GLB1L2: variants seen among roughly 807,000 people sequenced by gnomAD.
The protein encoded by GLB1L2 is beta-galactosidase-1-like protein 2.
In GLB1L2, 68 loss-of-function variants were observed where a neutral mutation model predicts 84.1. That is an observed-to-expected ratio of 0.81 (90% CI 0.67 to 0.99). The LOEUF is 0.99. Ranked by LOEUF, GLB1L2 falls within the 50% of genes least tolerant of loss-of-function variation. GLB1L2 has a pLI of 0.00. For missense variants in GLB1L2, 762 were observed against 805.6 expected (o/e 0.95, Z 0.66); for synonymous variants, 290 against 318.0 (o/e 0.91, Z 0.94).
At chr11:134,372,792 G>C (rs1317319778) in intron 15 of GLB1L2, among the ~76,000 whole-genome samples, 3 of 152,102 alleles carry the variant, frequency 2.0e-5, no homozygotes, top group African/African-American at 7.2e-5. Context: ...CTGGGGCCTG[G>C]ATCCTGGGGA....
At chr11:134,347,478 T>C in intron 5 of GLB1L2, 45 bp downstream of exon 5, 2 of 1,348,076 alleles carry the variant, frequency 1.5e-6, no homozygotes, top group East Asian at 2.3e-5. Flanking sequence ...TGTCTTCCTC[T>C]AGGTCGTGGA....
chr11:134,366,908 G>C (rs1353431462), intron 8 of GLB1L2: 1 of 334,452 alleles, frequency 3.0e-6, no homozygotes, highest in South Asian at 2.7e-5. Context: ...AGTTGTCCTG[G>C]GTAAAACATC....
chr11:134,374,067 G>A (rs1391586013), intron 16 of GLB1L2, 78 bp from the exon 17 acceptor site: 7 of 1,068,566 alleles, frequency 6.6e-6, no homozygotes, highest in Non-Finnish European at 1.0e-5. Context: ...AACGGTGTCA[G>A]GGCCTTTTAT....
chr11:134,349,446 G>T (rs1342566811), intron 5 of GLB1L2, among the ~76,000 whole-genome samples: 1 of 152,108 alleles, frequency 6.6e-6, no homozygotes. Context: ...GCTTCTTTTG[G>T]GTATATACCT....
chr11:134,367,359 CT>C lies in GLB1L2; in HGVS notation c.889+19del, dbSNP rs1943879716. 1.2e-6 allele frequency: 2 copies of C among 1,601,568 alleles called. No homozygotes were observed. The highest frequency in any genetic ancestry group is 1.7e-6 in the Non-Finnish European group (2 of 1,169,286). ...TTCTTCTGGTGAGTGCTTGCGGTGA[CT>C]ACATCCAGAATGTGTGCTACTTAAG... On this transcript the variant is annotated intron_variant, in intron 9 of 18. Coordinates refer to ENST00000535456, the MANE Select transcript of GLB1L2 (RefSeq NM_001370461.1).
intron 5 of GLB1L2, among the ~76,000 whole-genome samples, chr11:134,351,720 T>C (rs1943637123): frequency 6.6e-6 from 1 of 152,214 alleles, no homozygotes; most frequent in Non-Finnish European, 1.5e-5. Flanking sequence ...GGTTTATAAT[T>C]CTTTTAATAT....
At chr11:134,355,990 ACAT>A (rs1217190752) in intron 5 of GLB1L2, 2 of 520,094 alleles carry the variant, frequency 3.8e-6, no homozygotes, top group East Asian at 1.0e-4. Context: ...ACTTGTGAAA[ACAT>A]CATACAATTT....
intron 6 of GLB1L2, 129 bp downstream of exon 6, chr11:134,356,522 TTC>T (rs1458361763): frequency 1.1e-5 from 7 of 639,936 alleles, no homozygotes; most frequent in Admixed American, 2.8e-5. Flanking sequence ...TTAGTGAATT[TTC>T]TCTGTTGTTT....
At position 134,342,848 on chromosome 11, in the gene GLB1L2, T is replaced by C. The variant is rs1943488421; in HGVS notation, c.181T>C (p.Phe61Leu). The C allele has an allele frequency of 1.2e-6, 2 of 1,613,902 alleles. No homozygotes were observed. Among genetic ancestry groups the C allele is most frequent in the African/African-American group, 2.7e-5 (2 of 74,932 alleles). The change falls in exon 2 of 19, where the codon TTC becomes CTC. Residue 61 changes from phenylalanine to leucine, a missense_variant. Physicochemically the swap from Phe to Leu is conservative, Grantham distance 22. Coordinates refer to ENST00000535456, the MANE Select transcript of GLB1L2 (RefSeq NM_001370461.1). ...GWNFMLEDST[F>L]WIFGGSIHYF... ...GAACTTCATGCTGGAGGATTCCACC[T>C]TCTGGATCTTCGGGGGCTCCATCCA...
At chr11:134,357,506 C>T (rs1943720073) in intron 6 of GLB1L2, among the ~76,000 whole-genome samples, 3 of 152,318 alleles carry the variant, frequency 2.0e-5, no homozygotes, top group South Asian at 4.1e-4. Flanking sequence ...CATCCCAGCA[C>T]AGGACTTGAA....
In GLB1L2 at chr11:134,370,193, G is replaced by A. The variant is rs927536352; in HGVS notation, c.1109-100G>A. 11 of 975,690 alleles carry A rather than the reference G, an allele frequency of 1.1e-5. No individual in the cohort carries two copies. The highest frequency in any genetic ancestry group is 2.8e-5 in the South Asian group (2 of 71,874). The allele number at this position is 975,690 out of a possible 1,614,324, so 60.4% of individuals were successfully genotyped here. A position where few individuals can be genotyped will look rare whatever the true frequency, so the allele number is the denominator to read the frequency against. On this transcript the variant is annotated intron_variant, in intron 11 of 18. Coordinates refer to ENST00000535456, the MANE Select transcript of GLB1L2 (RefSeq NM_001370461.1). This position sits in a 1 kb window ranked among gnomAD's most constrained non-coding sequence, Gnocchi z 4.7. The stretch of plus-strand genomic sequence containing the variant: ...CTGTTGTTCCTCTTGGTGCTGGGAC[G>A]CAGGAGCACATCGGGTCTGTGGATG...
In GLB1L2 at chr11:134,371,406, T is replaced by C. The variant is rs202132405; in HGVS notation, c.1357-15T>C. 610 of 1,523,252 alleles carry C rather than the reference T, an allele frequency of 4.0e-4. 1 individual carries two copies. Among genetic ancestry groups the C allele is most frequent in the South Asian group, 1.0e-4 (9 of 89,230 alleles). 94.4% of individuals were successfully genotyped at this position (1,523,252 alleles called of 1,614,324 possible). A position where few individuals can be genotyped will look rare whatever the true frequency, so the allele number is the denominator to read the frequency against. ...CCTGTTGGTCATGGATGTTCCTGCC[T>C]GTTCCCTTTGGCAGGTGTTTGTGAA... On this transcript the variant is annotated splice_polypyrimidine_tract_variant and intron_variant, in intron 13 of 18. Coordinates refer to ENST00000535456, the MANE Select transcript of GLB1L2 (RefSeq NM_001370461.1).
At chr11:134,344,259 CA>C in intron 2 of GLB1L2, 127 bp from the exon 3 acceptor site, 4 of 1,158,136 alleles carry the variant, frequency 3.5e-6, no homozygotes, top group Non-Finnish European at 5.2e-6. Flanking sequence ...TTCTTGGTTC[CA>C]GTCCTAAAAT....
chr11:134,333,404 CAGA>C (rs1010757661), intron 1 of GLB1L2, among the ~76,000 whole-genome samples: 76 of 152,310 alleles, frequency 5.0e-4, no homozygotes, highest in African/African-American at 1.8e-3. Context: ...ACGCAAACCC[CAGA>C]AGAATTACTC....
At position 134,332,166 on chromosome 11, in the gene GLB1L2, C is replaced by T. The variant is rs1433285830; in HGVS notation, c.86+19C>T. ...TCCGCAGGTGAGAGAGAGCTTCGCG[C>T]AGCACCTGCCGGACCCCACATTCCC... On this transcript the variant is annotated intron_variant, in intron 1 of 18. Coordinates refer to ENST00000535456, the MANE Select transcript of GLB1L2 (RefSeq NM_001370461.1). 3.7e-5 allele frequency: 56 copies of T among 1,495,594 alleles called. No individual in the cohort carries two copies. Among genetic ancestry groups the T allele is most frequent in the Non-Finnish European group, 4.8e-5 (53 of 1,107,946 alleles). The allele number at this position is 1,495,594 out of a possible 1,614,324, so 92.6% of individuals were successfully genotyped here. A position where few individuals can be genotyped will look rare whatever the true frequency, so the allele number is the denominator to read the frequency against.
intron 18 of GLB1L2, 36 bp from the exon 19 acceptor site, chr11:134,374,936 G>A (rs575951440): frequency 3.3e-5 from 52 of 1,594,744 alleles, no homozygotes; most frequent in East Asian, 2.0e-4. Context: ...CAGGACAGAC[G>A]TCAGCTGCCC....
intron 11 of GLB1L2, 112 bp downstream of exon 11, chr11:134,369,997 C>A: frequency 1.2e-6 from 1 of 859,552 alleles, no homozygotes; most frequent in Non-Finnish European, 1.9e-6. Context: ...GATCTGCGTG[C>A]AAGAATATCC....
intron 11 of GLB1L2, 114 bp downstream of exon 11, chr11:134,369,999 A>G: frequency 1.2e-6 from 1 of 838,720 alleles, no homozygotes; most frequent in East Asian, 2.6e-5. Context: ...TCTGCGTGCA[A>G]GAATATCCTA....
Position 134,359,061 on chromosome 11 carries a change from C to T in GLB1L2, c.653C>T (p.Ala218Val). 1 of 1,592,032 alleles carries T rather than the reference C, an allele frequency of 6.3e-7. No individual in the cohort carries two copies. Among genetic ancestry groups the T allele is most frequent in the Non-Finnish European group, 8.6e-7 (1 of 1,168,924 alleles). The change falls in exon 7 of 19, where the codon GCA becomes GTA. Residue 218 changes from alanine to valine, a missense_variant and splice_region_variant. By Grantham distance (64) the Ala-to-Val change is moderately conservative. Around this residue, in one of 3 missense-constraint regions of GLB1L2, gnomAD observed 603 missense variants for 611.7 expected, o/e 0.99. Transcript: ENST00000535456. Reference sequence around the variant, plus strand: ...GGGCTTGTCTCATTTCCCCCACAGGCACTGGAGGACCGTGGCATTGTGGAA... The same window carrying T: ...GGGCTTGTCTCATTTCCCCCACAGGTACTGGAGGACCGTGGCATTGTGGAA... ...DPAYMPYVKK[A>V]LEDRGIVELL...
Sources: gnomAD v4.1 joint callset for allele counts (sites outside exome capture counted in the v4.1 genomes callset) on GRCh38, gnomAD v4.1.1 for gene constraint, gnomAD v4.1.1 regional missense constraint, Gnocchi (gnomAD v3.1) non-coding constraint, MANE v1.5 for transcripts, NCBI Gene and HGNC (gene_info 2026-07-23, HGNC 2026-07-21) for gene names.